GPR158: variants seen among roughly 807,000 people sequenced by gnomAD.
GPR158 encodes the protein G protein-coupled receptor 158, also known as metabotropic glycine receptor.
Under a neutral mutation model 78.2 loss-of-function variants are expected in GPR158, and 30 were observed. The ratio of observed to expected loss-of-function variants is 0.38; its 90% CI spans 0.29 to 0.52. The LOEUF is 0.52. Ranked by LOEUF, GPR158 falls within the 20% of genes least tolerant of loss-of-function variation. The pLI is 0.83. For synonymous variants in GPR158, 581 were observed against 591.1 expected (o/e 0.98, Z 0.25); for missense variants, 1,463 against 1,523.5 (o/e 0.96, Z 0.66).
rs1564399736 is a variant in GPR158, at chr10:25,241,345, T to TCTC, written c.1008+20188_1008+20189insCTC. Among the ~76,000 whole-genome samples the TCTC allele has an allele frequency of 5.3e-4, 70 of 133,080 alleles. 4 individuals are homozygous for TCTC. The highest frequency in any genetic ancestry group is 2.2e-3 in the African/African-American group (68 of 31,016). The allele number at this position is 133,080 out of a possible 152,430, so 87.3% of individuals were successfully genotyped here. Reference sequence around the variant, plus strand: ...TCTTCTCTTCTCTTCTCTTTTCTCTTTTCTCTTTTCTTTTCTCTTTTCTTT... The same window carrying TCTC: ...TCTTCTCTTCTCTTCTCTTTTCTCTTCTCTTCTCTTTTCTTTTCTCTTTTCTTT... On this transcript the variant is annotated intron_variant, in intron 2 of 10. Coordinates refer to ENST00000376351, the MANE Select transcript of GPR158 (RefSeq NM_020752.3).
intron 2 of GPR158, among the ~76,000 whole-genome samples, chr10:25,326,403 GTTTT>G (rs894314713): frequency 1.3e-5 from 2 of 151,884 alleles, no homozygotes; most frequent in African/African-American, 2.4e-5. Context: ...TTGCTATTGA[GTTTT>G]TTTGAGTTTT....
At chr10:25,406,723 C>T (rs12240665) in intron 3 of GPR158, among the ~76,000 whole-genome samples, 13,652 of 152,054 alleles carry the variant, frequency 0.09, 682 homozygotes, top group East Asian at 0.17. Context: ...GCTTAATTTC[C>T]TTTCTTTACA....
chr10:25,301,365 G>T (rs1019324980), intron 2 of GPR158, among the ~76,000 whole-genome samples: 8 of 152,146 alleles, frequency 5.3e-5, no homozygotes, highest in African/African-American at 1.9e-4. Flanking sequence ...CTATTAGTTA[G>T]AAATGAAATA....
chr10:25,270,861 T>C (rs1445708211), intron 2 of GPR158, among the ~76,000 whole-genome samples: 1 of 152,226 alleles, frequency 6.6e-6, no homozygotes, highest in Non-Finnish European at 1.5e-5. Flanking sequence ...TGCTGTCATT[T>C]TTATTGCAGT....
At chr10:25,278,284 A>T in intron 2 of GPR158, among the ~76,000 whole-genome samples, 1 of 152,328 alleles carries the variant, frequency 6.6e-6, no homozygotes, top group Admixed American at 6.5e-5. Flanking sequence ...AAATAAAAAT[A>T]AAATTGATAA....
At chr10:25,434,007 A>C (rs1461792290) in intron 4 of GPR158, among the ~76,000 whole-genome samples, 1 of 152,088 alleles carries the variant, frequency 6.6e-6, no homozygotes, top group Non-Finnish European at 1.5e-5. Context: ...AAAATAAAAA[A>C]AATTAGCCGT....
chr10:25,572,712 C>T lies in GPR158; in HGVS notation c.1578C>T (p.Val526=). ...TTCCATATATGACTGGCGGACGGGT[C>T]ATGAGGATGCTGGCAGTAATACTCT... The part of the protein sequence containing the change: ...QRIPYMTGGR[V]MRMLAVILLV... The change falls in exon 7 of 11, where the codon GTC becomes GTT. Residue 526 remains valine (V), a synonymous_variant. Coordinates refer to ENST00000376351, the MANE Select transcript of GPR158 (RefSeq NM_020752.3). The T allele has an allele frequency of 6.2e-7, 1 of 1,614,040 alleles. No homozygotes were observed. Among genetic ancestry groups the T allele is most frequent in the Non-Finnish European group, 8.5e-7 (1 of 1,179,908 alleles).
At chr10:25,231,992 C>G (rs909439416) in intron 2 of GPR158, among the ~76,000 whole-genome samples, 1 of 152,100 alleles carries the variant, frequency 6.6e-6, no homozygotes, top group Non-Finnish European at 1.5e-5. Context: ...AGAGAATTGA[C>G]TTGCATACAC....
rs566311530 is a variant in GPR158, at chr10:25,503,080, T to A, written c.1404+36361T>A. 2.1e-3 allele frequency among the ~76,000 whole-genome samples: 312 copies of A among 152,108 alleles called. 1 individual carries two copies. The highest frequency in any genetic ancestry group is 3.5e-3 in the Non-Finnish European group (235 of 68,002). ...GAAAATCTAGGAATATATATGAAATTAAAATTTAATTGAGGTCCACGTGCA... is the reference window on the plus strand; with the variant it reads ...GAAAATCTAGGAATATATATGAAATAAAAATTTAATTGAGGTCCACGTGCA... On this transcript the variant is annotated intron_variant, in intron 5 of 10. Coordinates refer to ENST00000376351, the MANE Select transcript of GPR158 (RefSeq NM_020752.3).
At chr10:25,349,774 A>G (rs1407524232) in intron 2 of GPR158, among the ~76,000 whole-genome samples, 1 of 146,394 alleles carries the variant, frequency 6.8e-6, no homozygotes, top group Non-Finnish European at 1.5e-5. Context: ...TTCACCATGT[A>G]AGGGAACATA....
chr10:25,309,338 G>C (rs1182253117), intron 2 of GPR158, among the ~76,000 whole-genome samples: 1 of 151,748 alleles, frequency 6.6e-6, no homozygotes, highest in Non-Finnish European at 1.5e-5. Context: ...GCACTTATTG[G>C]CCATTTGTAT....
At chr10:25,588,943 T>C in intron 7 of GPR158, 64 bp from the exon 8 acceptor site, 1 of 1,198,142 alleles carries the variant, frequency 8.3e-7, no homozygotes, top group Admixed American at 2.2e-5. Context: ...ACAAAATGCA[T>C]GCTAAAGAAG....
intron 2 of GPR158, among the ~76,000 whole-genome samples, chr10:25,328,732 A>G (rs1030055483): frequency 1.3e-5 from 2 of 151,852 alleles, no homozygotes; most frequent in African/African-American, 4.8e-5. Context: ...TTCAAGACCA[A>G]CCTGGTCAAC....
intron 5 of GPR158, among the ~76,000 whole-genome samples, chr10:25,550,608 T>C (rs940347162): frequency 1.3e-5 from 2 of 152,156 alleles, no homozygotes; most frequent in African/African-American, 2.4e-5. Flanking sequence ...AGTTAGATTT[T>C]TTAAAATTAT....
At chr10:25,375,369 T>C (rs1274889653) in intron 2 of GPR158, among the ~76,000 whole-genome samples, 1 of 151,630 alleles carries the variant, frequency 6.6e-6, no homozygotes, top group Non-Finnish European at 1.5e-5. Context: ...ATTTTAATTT[T>C]GATGAAGTCC....
intron 2 of GPR158, among the ~76,000 whole-genome samples, chr10:25,247,466 T>TC (rs1177614668): frequency 1.5e-5 from 1 of 67,164 alleles, no homozygotes; most frequent in Non-Finnish European, 2.7e-5. Context: ...CCCTCCCCCC[T>TC]CCCCCCACCC....
At chr10:25,416,427 C>T (rs1834660998) in intron 4 of GPR158, among the ~76,000 whole-genome samples, 1 of 152,028 alleles carries the variant, frequency 6.6e-6, no homozygotes, top group Admixed American at 6.6e-5. Context: ...AGTGTGCAAA[C>T]AAAACTCAGT....
chr10:25,266,651 G>A (rs2781258), intron 2 of GPR158, among the ~76,000 whole-genome samples: 1 of 152,072 alleles, frequency 6.6e-6, no homozygotes, highest in East Asian at 1.9e-4. Context: ...TTGTGCTGTA[G>A]AAGTAAAAGA....
intron 2 of GPR158, among the ~76,000 whole-genome samples, chr10:25,241,264 TTTC>T (rs1289764443): frequency 3.9e-5 from 5 of 129,262 alleles, no homozygotes; most frequent in African/African-American, 1.6e-4. Context: ...CTTTCCTTTC[TTTC>T]TTTCCTTTCT....
Sources: allele counts gnomAD v4.1 joint callset (sites outside exome capture counted in the v4.1 genomes callset), GRCh38; gene constraint gnomAD v4.1.1; transcripts MANE v1.5; gene names NCBI Gene and HGNC (gene_info 2026-07-23, HGNC 2026-07-21).